Variants in KIAA1217 observed in about 807,000 individuals in gnomAD.
The protein encoded by KIAA1217 is sickle tail protein homolog.
A neutral mutation model predicts 163.9 loss-of-function variants in KIAA1217; 88 were observed. That is an observed-to-expected ratio of 0.54 (90% CI 0.45 to 0.64). The LOEUF (loss-of-function observed/expected upper bound fraction) is 0.64, where lower values mean the gene tolerates loss of function less well. Ranked by LOEUF, KIAA1217 falls within the 30% of genes least tolerant of loss-of-function variation. The probability of loss-of-function intolerance (pLI) is 0.00; values close to 1 mark genes in which losing one functional copy is unlikely to be tolerated. For synonymous variants in KIAA1217, 903 were observed against 923.1 expected, an observed-to-expected ratio of 0.98 and a Z score of 0.39; for missense variants, 2,372 against 2,475.0, an observed-to-expected ratio of 0.96 and a Z score of 0.88.
intron 2 of KIAA1217, among the ~76,000 whole-genome samples, chr10:24,345,469 G>A (rs1283646262): frequency 5.3e-5 from 8 of 152,152 alleles, no homozygotes; most frequent in African/African-American, 1.9e-4. Context: ...AAGATCTCAA[G>A]GAATCAAAAC....
intron 2 of KIAA1217, among the ~76,000 whole-genome samples, chr10:24,201,984 G>A (rs958883564): frequency 7.9e-5 from 12 of 152,122 alleles, no homozygotes; most frequent in Non-Finnish European, 1.6e-4. Flanking sequence ...TGAGACCCCC[G>A]AGGGAGTGCA....
chr10:23,908,524 T>A (rs1842280109), intron 1 of KIAA1217, among the ~76,000 whole-genome samples: 1 of 152,092 alleles, frequency 6.6e-6, no homozygotes, highest in South Asian at 2.1e-4. Flanking sequence ...AACTGTTTAC[T>A]TTCTCTTGGT....
At chr10:23,936,718 G>A (rs548747313) in intron 1 of KIAA1217, among the ~76,000 whole-genome samples, 1 of 152,166 alleles carries the variant, frequency 6.6e-6, no homozygotes, top group African/African-American at 2.4e-5. Flanking sequence ...GCAGACACCT[G>A]GATTTCAGAC....
chr10:23,984,834 T>C (rs1845907219), intron 1 of KIAA1217, among the ~76,000 whole-genome samples: 1 of 151,678 alleles, frequency 6.6e-6, no homozygotes. Flanking sequence ...ACCGAGATGA[T>C]GGGTTGATGG....
At chr10:24,038,855 G>A (rs768848264) in intron 2 of KIAA1217, among the ~76,000 whole-genome samples, 1 of 148,920 alleles carries the variant, frequency 6.7e-6, no homozygotes, top group Non-Finnish European at 1.5e-5. Flanking sequence ...GGGCTCAGGT[G>A]ATCCTCCTGC....
Position 24,546,060 on chromosome 10 carries a change from T to C in KIAA1217, c.5568T>C (p.Ser1856=). Reference sequence around the variant, plus strand: ...CTCACTCTGCCTCCCTCATCCCTTCTGTCTCTAATGGCTCTTTGAAGTTTC... The same window carrying C: ...CTCACTCTGCCTCCCTCATCCCTTCCGTCTCTAATGGCTCTTTGAAGTTTC... ...PPAHSASLIP[S]VSNGSLKFQS... is the part of the protein sequence containing the mutation. The change falls in exon 21 of 21, where the codon TCT becomes TCC. Residue 1856 remains serine (S), a synonymous_variant. Coordinates refer to ENST00000376454, the MANE Select transcript of KIAA1217 (RefSeq NM_019590.5). 2 of 1,614,218 alleles carry C rather than the reference T, an allele frequency of 1.2e-6. No individual in the cohort carries two copies. The highest frequency in any genetic ancestry group is 1.7e-6 in the Non-Finnish European group (2 of 1,180,042).
intron 1 of KIAA1217, among the ~76,000 whole-genome samples, chr10:23,733,603 A>G (rs1414451): frequency 0.22 from 33,123 of 151,868 alleles, 3,840 homozygotes; most frequent in Middle Eastern, 0.29. Flanking sequence ...TTTAAAATTC[A>G]TATTATTTTT....
At chr10:23,891,241 T>C (rs992998024) in intron 1 of KIAA1217, among the ~76,000 whole-genome samples, 6 of 152,136 alleles carry the variant, frequency 3.9e-5, no homozygotes, top group Middle Eastern at 3.4e-3. Flanking sequence ...AATGTACCAA[T>C]TGATGTTATT....
At chr10:24,393,476 G>A (rs1043911485) in intron 3 of KIAA1217, among the ~76,000 whole-genome samples, 2 of 151,938 alleles carry the variant, frequency 1.3e-5, no homozygotes, top group Admixed American at 1.3e-4. Context: ...AGAGCCCCCA[G>A]GCACCACCAT....
chr10:24,393,900 C>T (rs1465645700), intron 3 of KIAA1217, among the ~76,000 whole-genome samples: 3 of 152,152 alleles, frequency 2.0e-5, no homozygotes, highest in Non-Finnish European at 2.9e-5. Flanking sequence ...CAAATGAGTA[C>T]GGGGACTCCT....
intron 2 of KIAA1217, among the ~76,000 whole-genome samples, chr10:24,059,277 G>A (rs931959071): frequency 6.6e-6 from 1 of 151,946 alleles, no homozygotes; most frequent in African/African-American, 2.4e-5. Context: ...AATTCAGTTC[G>A]CTAGTATTTT....
intron 1 of KIAA1217, among the ~76,000 whole-genome samples, chr10:23,979,297 C>A (rs74124844): frequency 6.6e-6 from 1 of 152,152 alleles, no homozygotes; most frequent in Admixed American, 6.6e-5. Context: ...TGACTTCACC[C>A]GCCCAAGTTG....
chr10:24,340,441 C>T (rs2133811215), intron 2 of KIAA1217, among the ~76,000 whole-genome samples: 1 of 152,334 alleles, frequency 6.6e-6, no homozygotes, highest in South Asian at 2.1e-4. Context: ...TCACCTTCCA[C>T]CATGATTGTG....
intron 2 of KIAA1217, among the ~76,000 whole-genome samples, chr10:24,102,385 C>G (rs1312399990): frequency 6.6e-6 from 1 of 152,010 alleles, no homozygotes; most frequent in Non-Finnish European, 1.5e-5. Flanking sequence ...TGAAAGAAAT[C>G]AAAGAACTAC....
intron 1 of KIAA1217, among the ~76,000 whole-genome samples, chr10:23,868,952 T>C (rs1840321563): frequency 6.6e-6 from 1 of 152,086 alleles, no homozygotes; most frequent in South Asian, 2.1e-4. Context: ...GAATGAATAT[T>C]AAACATTGCT....
intron 1 of KIAA1217, among the ~76,000 whole-genome samples, chr10:23,993,110 C>A (rs1288415137): frequency 6.9e-6 from 1 of 145,968 alleles, no homozygotes; most frequent in Non-Finnish European, 1.5e-5. Context: ...CGGCTCACTG[C>A]AACTTCTGCC....
At chr10:23,780,694 G>T (rs1195573269) in intron 1 of KIAA1217, among the ~76,000 whole-genome samples, 2 of 152,126 alleles carry the variant, frequency 1.3e-5, no homozygotes, top group African/African-American at 4.8e-5. Flanking sequence ...TTGGGAGGGT[G>T]GGGGGAATGG....
chr10:24,368,189 T>C (rs1172664913), intron 2 of KIAA1217, among the ~76,000 whole-genome samples: 1 of 152,226 alleles, frequency 6.6e-6, no homozygotes, highest in South Asian at 2.1e-4. Context: ...CTAAAATTCA[T>C]GCAAAATAGA....
chr10:24,440,546 G>A (rs928396452), intron 5 of KIAA1217, among the ~76,000 whole-genome samples: 2 of 152,206 alleles, frequency 1.3e-5, no homozygotes, highest in Non-Finnish European at 1.5e-5. Flanking sequence ...AGGACCAGCA[G>A]TGAGGACTGA....
Sources: allele counts gnomAD v4.1 joint callset (sites outside exome capture counted in the v4.1 genomes callset), GRCh38; gene constraint gnomAD v4.1.1; transcripts MANE v1.5; gene names NCBI Gene and HGNC (gene_info 2026-07-23, HGNC 2026-07-21).